Variants in RAB31 observed in about 807,000 individuals in gnomAD.
The protein encoded by RAB31 is ras-related protein Rab-31.
RAB31 carries 21 observed loss-of-function variants against 25.6 expected under a neutral mutation model. The ratio of observed to expected loss-of-function variants is 0.82; its 90% confidence interval spans 0.58 to 1.18. The LOEUF is 1.18. Ranked by LOEUF, RAB31 falls within the 50% of genes most tolerant of loss-of-function variation. The pLI is 0.00. For synonymous variants in RAB31, 87 were observed against 84.0 expected (o/e 1.04, Z -0.20); for missense variants, 196 against 250.1 (o/e 0.78, Z 1.46).
chr18:9,806,183 A>C (rs1462843886), intron 3 of RAB31, among the ~76,000 whole-genome samples: 1 of 134,560 alleles, frequency 7.4e-6, no homozygotes, highest in African/African-American at 2.8e-5. Flanking sequence ...TCTCAAAAAA[A>C]AAAAAGAAGA....
chr18:9,780,856 G>C (rs551752384), intron 2 of RAB31, among the ~76,000 whole-genome samples: 1 of 152,096 alleles, frequency 6.6e-6, no homozygotes, highest in Admixed American at 6.6e-5. Context: ...GCTCGAACCC[G>C]GGAGGCAAAG....
At chr18:9,845,068 G>A (rs2143134301) in intron 5 of RAB31, among the ~76,000 whole-genome samples, 1 of 152,278 alleles carries the variant, frequency 6.6e-6, no homozygotes, top group East Asian at 1.9e-4. Flanking sequence ...ACAGATGAAA[G>A]TCCAGATATG....
intron 5 of RAB31, among the ~76,000 whole-genome samples, chr18:9,831,103 TA>T (rs1215984142): frequency 6.6e-6 from 1 of 152,214 alleles, no homozygotes; most frequent in Admixed American, 6.5e-5. Flanking sequence ...TGAGTCTTGA[TA>T]AACAGTCTGG....
intron 1 of RAB31, among the ~76,000 whole-genome samples, chr18:9,733,561 C>T (rs973239096): frequency 6.6e-5 from 10 of 152,214 alleles, no homozygotes; most frequent in African/African-American, 2.4e-4. Context: ...CTAGAATTCT[C>T]ATTCGTATTC....
chr18:9,848,438 G>C (rs542273881), intron 6 of RAB31, among the ~76,000 whole-genome samples: 1 of 152,066 alleles, frequency 6.6e-6, no homozygotes, highest in Non-Finnish European at 1.5e-5. Flanking sequence ...CCATCTGTCC[G>C]CCTGTCTATC....
In RAB31 at chr18:9,756,167, C is replaced by T. The variant is rs375979845; in HGVS notation, c.40-19111C>T. ...GATAGGGAGTTAGGGTTTTCTCAAACTCTGTACTCCCTCCCTTGCTTCCAC... is the reference window on the plus strand; with the variant it reads ...GATAGGGAGTTAGGGTTTTCTCAAATTCTGTACTCCCTCCCTTGCTTCCAC... On this transcript the variant is annotated intron_variant, in intron 1 of 6. Coordinates refer to ENST00000578921, the MANE Select transcript of RAB31 (RefSeq NM_006868.4). Among the ~76,000 whole-genome samples, 125 of 152,342 alleles carry T rather than the reference C, an allele frequency of 8.2e-4. 1 individual carries two copies. Among genetic ancestry groups the T allele is most frequent in the Non-Finnish European group, 1.5e-3 (102 of 68,036 alleles).
chr18:9,764,857 T>A (rs1189762185), intron 1 of RAB31, among the ~76,000 whole-genome samples: 2 of 152,142 alleles, frequency 1.3e-5, no homozygotes, highest in South Asian at 4.1e-4. Flanking sequence ...TAGTTTAAAT[T>A]TACTTCTGTA....
intron 3 of RAB31, among the ~76,000 whole-genome samples, chr18:9,811,864 A>G (rs1009743503): frequency 6.6e-6 from 1 of 152,278 alleles, no homozygotes; most frequent in Non-Finnish European, 1.5e-5. Context: ...AATAAAAATC[A>G]TCATTTTAAT....
chr18:9,810,923 T>G (rs1196539930), intron 3 of RAB31, among the ~76,000 whole-genome samples: 1 of 152,220 alleles, frequency 6.6e-6, no homozygotes, highest in Non-Finnish European at 1.5e-5. Context: ...GTCCTTACCC[T>G]TTGAAAAGTA....
intron 3 of RAB31, among the ~76,000 whole-genome samples, chr18:9,793,683 GGATAGCCA>G (rs146257402): frequency 0.022 from 3,327 of 151,838 alleles, 116 homozygotes; most frequent in African/African-American, 0.076. Flanking sequence ...AAGTTGAAAC[GGATAGCCA>G]GATAGCCAAG....
intron 2 of RAB31, among the ~76,000 whole-genome samples, chr18:9,781,848 C>CA: frequency 6.6e-6 from 1 of 152,320 alleles, no homozygotes; most frequent in Admixed American, 6.5e-5. Context: ...ATAAATGGAA[C>CA]ACTTTTAAAA....
intron 3 of RAB31, among the ~76,000 whole-genome samples, chr18:9,808,495 C>T (rs1176653017): frequency 1.3e-5 from 2 of 152,156 alleles, no homozygotes; most frequent in Non-Finnish European, 2.9e-5. Flanking sequence ...ATGTAAAAGT[C>T]GGAAGCATTC....
intron 1 of RAB31, among the ~76,000 whole-genome samples, chr18:9,767,748 C>T (rs2068323481): frequency 6.6e-6 from 1 of 151,996 alleles, no homozygotes; most frequent in African/African-American, 2.4e-5. Flanking sequence ...ACTTTAAGTT[C>T]TGGGACACAT....
intron 1 of RAB31, among the ~76,000 whole-genome samples, chr18:9,716,097 G>A (rs1268487719): frequency 6.6e-6 from 1 of 152,156 alleles, no homozygotes; most frequent in Non-Finnish European, 1.5e-5. Context: ...TAGAGATCAT[G>A]TATTTCATTT....
chr18:9,842,787 CAG>C (rs1388403363), intron 5 of RAB31, among the ~76,000 whole-genome samples: 1 of 152,208 alleles, frequency 6.6e-6, no homozygotes, highest in Non-Finnish European at 1.5e-5. Flanking sequence ...GTGAGGTGGA[CAG>C]AGTCACGGGT....
chr18:9,856,482 C>T (rs1217087975), intron 6 of RAB31: 2 of 152,068 alleles, frequency 1.3e-5, no homozygotes. Flanking sequence ...TGTGTACTTT[C>T]CAAAGCAAAA....
intron 5 of RAB31, among the ~76,000 whole-genome samples, chr18:9,827,859 T>C (rs2143102339): frequency 6.6e-6 from 1 of 152,362 alleles, no homozygotes; most frequent in East Asian, 1.9e-4. Context: ...TAATGTTTAC[T>C]TCTATTTGGG....
At chr18:9,791,388 CTTTTTTTTTT>C (rs35523044) in intron 2 of RAB31, among the ~76,000 whole-genome samples, 4 of 59,572 alleles carry the variant, frequency 6.7e-5, no homozygotes, top group South Asian at 1.5e-3. Flanking sequence ...GAAACACAGT[CTTTTTTTTTT>C]TTTTTTTTTT....
intron 1 of RAB31, among the ~76,000 whole-genome samples, chr18:9,731,622 G>T (rs1443047110): frequency 1.5e-5 from 2 of 136,960 alleles, no homozygotes; most frequent in African/African-American, 5.6e-5. Flanking sequence ...TTTTGAGGCA[G>T]AGTCTAGCTC....
Sources: allele counts gnomAD v4.1 joint callset (sites outside exome capture counted in the v4.1 genomes callset), GRCh38; gene constraint gnomAD v4.1.1; transcripts MANE v1.5; gene names NCBI Gene and HGNC (gene_info 2026-07-23, HGNC 2026-07-21).